Variants in DYNC1I1 observed in about 807,000 individuals in gnomAD.
DYNC1I1 encodes cytoplasmic dynein 1 intermediate chain 1.
In DYNC1I1, 43 loss-of-function variants were observed where a neutral mutation model predicts 86.6. The observed-to-expected ratio is 0.50, with a 90% CI of 0.39 to 0.64. DYNC1I1 has a LOEUF of 0.64. Ranked by LOEUF, DYNC1I1 falls within the 30% of genes least tolerant of loss-of-function variation. The pLI is 0.00. For missense variants in DYNC1I1, 604 were observed against 788.8 expected (o/e 0.77, Z 2.81); for synonymous variants, 262 against 283.7 (o/e 0.92, Z 0.77).
chr7:96,015,422 T>G (rs1269715539), intron 10 of DYNC1I1, among the ~76,000 whole-genome samples: 1 of 152,148 alleles, frequency 6.6e-6, no homozygotes, highest in Non-Finnish European at 1.5e-5. Flanking sequence ...TCTATGTAAA[T>G]GCCCCTTAAT....
At chr7:95,992,581 G>A (rs1383860335) in intron 9 of DYNC1I1, among the ~76,000 whole-genome samples, 3 of 151,928 alleles carry the variant, frequency 2.0e-5, no homozygotes, top group Non-Finnish European at 2.9e-5. Flanking sequence ...GGTTCATAAC[G>A]GGCACTTAAA....
chr7:95,980,299 A>G (rs910126129), intron 7 of DYNC1I1, among the ~76,000 whole-genome samples: 6 of 151,104 alleles, frequency 4.0e-5, no homozygotes, highest in Non-Finnish European at 8.8e-5. Flanking sequence ...GTTGGCATCA[A>G]ACTCTGGCTT....
intron 5 of DYNC1I1, among the ~76,000 whole-genome samples, chr7:95,838,089 A>C (rs1789165877): frequency 6.6e-6 from 1 of 152,158 alleles, no homozygotes; most frequent in African/African-American, 2.4e-5. Context: ...TTGGTGTCAT[A>C]TCTAAAAAAT....
intron 5 of DYNC1I1, among the ~76,000 whole-genome samples, chr7:95,828,336 C>G (rs3735583): frequency 6.6e-6 from 1 of 151,944 alleles, no homozygotes; most frequent in African/African-American, 2.4e-5. Flanking sequence ...TTATTAATTC[C>G]TATTATTGCA....
At chr7:95,880,838 G>A (rs1161898972) in intron 6 of DYNC1I1, among the ~76,000 whole-genome samples, 1 of 151,728 alleles carries the variant, frequency 6.6e-6, no homozygotes, top group Admixed American at 6.6e-5. Flanking sequence ...TAGAGATGGG[G>A]TTTCACCATA....
chr7:96,001,541 C>G (rs1016695545), intron 10 of DYNC1I1, among the ~76,000 whole-genome samples: 10 of 152,186 alleles, frequency 6.6e-5, no homozygotes, highest in Non-Finnish European at 1.2e-4. Flanking sequence ...AGTCCACAGT[C>G]AAGGAGGCAG....
intron 16 of DYNC1I1, among the ~76,000 whole-genome samples, chr7:96,103,504 G>A (rs1441365627): frequency 6.6e-6 from 1 of 152,090 alleles, no homozygotes; most frequent in African/African-American, 2.4e-5. Context: ...ATAACCACCT[G>A]AGTGATATTG....
chr7:96,009,676 C>T (rs1012133129), intron 10 of DYNC1I1, among the ~76,000 whole-genome samples: 6 of 152,134 alleles, frequency 3.9e-5, no homozygotes, highest in African/African-American at 9.7e-5. Flanking sequence ...GCTATTCATG[C>T]CTTCTACACT....
chr7:95,793,413 C>T (rs957754404), intron 1 of DYNC1I1, among the ~76,000 whole-genome samples: 3 of 151,882 alleles, frequency 2.0e-5, no homozygotes, highest in African/African-American at 7.3e-5. Context: ...CTCCCAAAGA[C>T]AGCAGCATGA....
chr7:95,840,252 T>C (rs1441149999), intron 5 of DYNC1I1, among the ~76,000 whole-genome samples: 3 of 151,100 alleles, frequency 2.0e-5, no homozygotes, highest in Non-Finnish European at 4.4e-5. Flanking sequence ...ATATCTTCAC[T>C]GTTTTTTATT....
chr7:95,861,617 AT>A (rs10717478), intron 5 of DYNC1I1, among the ~76,000 whole-genome samples: 97,694 of 150,536 alleles, frequency 0.65, 32,880 homozygotes, highest in Middle Eastern at 0.75. Context: ...TCTTTTTGCA[AT>A]TTTTTTTTTT....
intron 8 of DYNC1I1, among the ~76,000 whole-genome samples, chr7:95,986,023 C>CGTGTGT (rs3138829): frequency 0.058 from 7,702 of 132,632 alleles, 492 homozygotes; most frequent in African/African-American, 0.16. Flanking sequence ...CCTGGCAGGA[C>CGTGTGT]GTGTGTGTGT....
intron 9 of DYNC1I1, 23 bp downstream of exon 9, chr7:95,987,178 G>C: frequency 6.3e-7 from 1 of 1,588,592 alleles, no homozygotes. Flanking sequence ...GCTGGGCTGG[G>C]ACAAACTGGG....
intron 6 of DYNC1I1, among the ~76,000 whole-genome samples, chr7:95,937,969 A>G (rs1236247448): frequency 6.6e-6 from 1 of 151,936 alleles, no homozygotes. Context: ...CACACATAAT[A>G]CCCTAATTTA....
At chr7:95,990,148 A>T (rs911107731) in intron 9 of DYNC1I1, among the ~76,000 whole-genome samples, 1 of 152,226 alleles carries the variant, frequency 6.6e-6, no homozygotes, top group Non-Finnish European at 1.5e-5. Context: ...ATCATCAAAC[A>T]TCATTCCTTG....
chr7:96,020,599 GT>G (rs1380244104), intron 10 of DYNC1I1, among the ~76,000 whole-genome samples: 1 of 152,046 alleles, frequency 6.6e-6, no homozygotes, highest in Non-Finnish European at 1.5e-5. Context: ...CAGTGTGATG[GT>G]TTGTCAAAAA....
At position 96,080,777 on chromosome 7, in the gene DYNC1I1, T is replaced by C. The variant is rs143009223; in HGVS notation, c.1776+289T>C. The stretch of plus-strand genomic sequence containing the variant: ...GCACTTCCCACTAATTTCATGAGAA[T>C]GAAAAGTTTAGAGGCTGGGTGCGGT... On this transcript the variant is annotated intron_variant, in intron 16 of 16. Transcript: ENST00000447467. Among the ~76,000 whole-genome samples the C allele has an allele frequency of 7.9e-5, 12 of 152,198 alleles. No individual in the cohort carries two copies. In the East Asian group the frequency reaches 2.3e-3, roughly 29 times the overall value.
At chr7:95,818,584 G>T in intron 4 of DYNC1I1, 1 of 627,118 alleles carries the variant, frequency 1.6e-6, no homozygotes, top group Non-Finnish European at 2.9e-6. Context: ...AAAGTGGTGG[G>T]ATCCTCCTGC....
At chr7:95,814,605 G>T (rs1159887906) in intron 4 of DYNC1I1, among the ~76,000 whole-genome samples, 26 of 152,136 alleles carry the variant, frequency 1.7e-4, no homozygotes, top group Admixed American at 1.5e-3. Context: ...TAGTTAATTT[G>T]GTAGCTGAAG....
Sources: allele counts gnomAD v4.1 joint callset (sites outside exome capture counted in the v4.1 genomes callset), GRCh38; gene constraint gnomAD v4.1.1; transcripts MANE v1.5; gene names NCBI Gene and HGNC (gene_info 2026-07-23, HGNC 2026-07-21).